Variants in NFATC1 observed in about 807,000 individuals in gnomAD.
The protein encoded by NFATC1 is nuclear factor of activated T cells 1.
A neutral mutation model predicts 76.0 loss-of-function variants in NFATC1; 22 were observed. The observed-to-expected ratio is 0.29, with a 90% confidence interval of 0.21 to 0.41. The LOEUF (loss-of-function observed/expected upper bound fraction) is 0.41, where lower values mean the gene tolerates loss of function less well. NFATC1 is among the 10% of genes least tolerant of loss of function. The pLI is 1.00. For synonymous variants in NFATC1, 704 were observed against 613.1 expected (o/e 1.15, Z -2.19); for missense variants, 1,357 against 1,337.7 (o/e 1.01, Z -0.23).
At chr18:79,414,653 A>G (rs1309748687) in intron 2 of NFATC1, among the ~76,000 whole-genome samples, 2 of 152,194 alleles carry the variant, frequency 1.3e-5, no homozygotes, top group African/African-American at 4.8e-5. Context: ...TGATGTGTCT[A>G]TTGTCAAAGC....
chr18:79,411,588 G>C, intron 2 of NFATC1, 87 bp downstream of exon 2: 3 of 1,051,274 alleles, frequency 2.9e-6, no homozygotes, highest in Non-Finnish European at 3.5e-6. Flanking sequence ...GGGGCGGCGC[G>C]GGGCGGCCGT....
At chr18:79,431,114 C>G (rs2086573912) in intron 2 of NFATC1, among the ~76,000 whole-genome samples, 1 of 152,192 alleles carries the variant, frequency 6.6e-6, no homozygotes, top group South Asian at 2.1e-4. Context: ...CAGCAGGCAC[C>G]CGCAGGGCCC....
In NFATC1 at chr18:79,455,478, C is replaced by T. The variant is rs1037740793; in HGVS notation, c.1903+3662C>T. Reference sequence around the variant, plus strand: ...GCATCTCACAGGCGGCCGGGGCTCCCGGGAAGCAGAGACGGGCTGTGCCAG... The same window carrying T: ...GCATCTCACAGGCGGCCGGGGCTCCTGGGAAGCAGAGACGGGCTGTGCCAG... On this transcript the variant is annotated intron_variant, in intron 6 of 9. Transcript: ENST00000427363. Among the ~76,000 whole-genome samples the T allele has an allele frequency of 2.0e-4, 30 of 152,282 alleles. 1 individual carries two copies. The East Asian group carries it at 3.1e-3, about 16-fold the overall frequency.
chr18:79,471,977 C>T (rs1402510870), intron 8 of NFATC1, among the ~76,000 whole-genome samples: 2 of 152,226 alleles, frequency 1.3e-5, no homozygotes, highest in Non-Finnish European at 1.5e-5. Context: ...CTGTTTCTGC[C>T]TCAAGGGGTA....
rs143180395 is a variant in NFATC1 at position 79,411,379 on chromosome 18, C to G, written c.1104C>G (p.Pro368=). 4 of 1,584,388 alleles carry G rather than the reference C, an allele frequency of 2.5e-6. No homozygotes were observed. Among genetic ancestry groups the G allele is most frequent in the Non-Finnish European group, 3.4e-6 (4 of 1,167,546 alleles). ...GSPPPPADFA[P]EDYSSFQHIR... The stretch of plus-strand genomic sequence containing the variant: ...CCCCGCCCCCGGCCGACTTCGCGCC[C>G]GAAGACTACTCCTCTTTCCAGCACA... Residue 368 remains proline, a synonymous_variant, in exon 2 of 10, where the codon CCC becomes CCG. Transcript: ENST00000427363.
chr18:79,458,528 T>C (rs1036924240), intron 6 of NFATC1, among the ~76,000 whole-genome samples: 1 of 152,216 alleles, frequency 6.6e-6, no homozygotes, highest in Admixed American at 6.5e-5. Context: ...CCCGCAGGCC[T>C]GCCTGTGTGG....
chr18:79,419,009 A>G (rs916080658), intron 2 of NFATC1, among the ~76,000 whole-genome samples: 1 of 152,148 alleles, frequency 6.6e-6, no homozygotes, highest in Non-Finnish European at 1.5e-5. Flanking sequence ...GAAAGGAGAA[A>G]ACAACGTGGC....
At chr18:79,513,538 C>T (rs1438209774) in intron 9 of NFATC1, among the ~76,000 whole-genome samples, 6 of 152,264 alleles carry the variant, frequency 3.9e-5, no homozygotes, top group Non-Finnish European at 2.9e-5. Flanking sequence ...AACGATAATT[C>T]GAAAACATCG....
intron 2 of NFATC1, chr18:79,421,464 C>T (rs556983922): frequency 8.9e-4 from 136 of 152,552 alleles, no homozygotes; most frequent in Non-Finnish European, 1.7e-3. Flanking sequence ...GGGGCGGTGC[C>T]GGGCAAGGGC....
Position 79,521,361 on chromosome 18 carries a change from TGTG to T in NFATC1, c.2783-6166_2783-6164del, listed in dbSNP as rs368398792. ...TGTGTAGGGGGGGAGCATCCACTGATGTGTGTGTGTGTGGGGAGCATCCACTGA... is the reference window on the plus strand; with the variant it reads ...TGTGTAGGGGGGGAGCATCCACTGATTGTGTGTGTGGGGAGCATCCACTGA... On this transcript the variant is annotated intron_variant, in intron 9 of 9. Coordinates refer to ENST00000427363, the MANE Select transcript of NFATC1 (RefSeq NM_001278669.2). 2.9e-3 allele frequency among the ~76,000 whole-genome samples: 299 copies of T among 102,600 alleles called. 7 individuals carry two copies. Among genetic ancestry groups the T allele is most frequent in the African/African-American group, 0.012 (283 of 24,594 alleles). 67.3% of individuals were successfully genotyped at this position (102,600 alleles called of 152,430 possible).
chr18:79,509,715 C>T (rs1020061403), intron 9 of NFATC1, among the ~76,000 whole-genome samples: 2 of 152,240 alleles, frequency 1.3e-5, no homozygotes, highest in African/African-American at 4.8e-5. Flanking sequence ...GCTGAACACC[C>T]ATGACACCTG....
chr18:79,444,048 T>C (rs1285983384), intron 3 of NFATC1, among the ~76,000 whole-genome samples: 5 of 152,204 alleles, frequency 3.3e-5, no homozygotes, highest in Admixed American at 2.0e-4. Flanking sequence ...TGGAGGCCTC[T>C]CTCATGCACT....
chr18:79,413,620 T>TA (rs879607675), intron 2 of NFATC1, among the ~76,000 whole-genome samples: 17 of 152,296 alleles, frequency 1.1e-4, no homozygotes, highest in Middle Eastern at 3.4e-3. Flanking sequence ...AGGACTCCAT[T>TA]ATGTGAGTTT....
chr18:79,406,673 T>C (rs1477418285), intron 1 of NFATC1, among the ~76,000 whole-genome samples: 3 of 152,154 alleles, frequency 2.0e-5, no homozygotes, highest in Non-Finnish European at 4.4e-5. Context: ...GGACAACTTT[T>C]GGTGAGAATG....
intron 9 of NFATC1, among the ~76,000 whole-genome samples, chr18:79,514,007 G>A (rs2090322021): frequency 6.6e-6 from 1 of 152,184 alleles, no homozygotes; most frequent in African/African-American, 2.4e-5. Context: ...TGATCTCCAC[G>A]GTGAGCGTGG....
intron 8 of NFATC1, among the ~76,000 whole-genome samples, chr18:79,480,434 G>A (rs758809266): frequency 1.3e-5 from 2 of 151,988 alleles, no homozygotes; most frequent in South Asian, 2.1e-4. Flanking sequence ...GGCCTGCTCC[G>A]AACCCGCAGG....
Position 79,411,437 on chromosome 18 carries a change from G to A in NFATC1, c.1162G>A (p.Ala388Thr). Residue 388 changes from alanine to threonine, a missense_variant, in exon 2 of 10, where the codon GCG becomes ACG. This residue lies in a region of NFATC1 where 691 missense variants were observed against 613.1 expected (regional missense o/e 1.13). Transcript: ENST00000427363. The part of the protein sequence containing the change: ...RKGGFCDQYL[A>T]VPQHPYQWAK... The stretch of plus-strand genomic sequence containing the variant: ...GGGCGGCTTCTGCGACCAGTACCTG[G>A]CGGTGCCGCAGCACCCCTACCAGTG... 6.5e-7 allele frequency: 1 copy of A among 1,530,114 alleles called. No homozygotes were observed. Among genetic ancestry groups the A allele is most frequent in the African/African-American group, 1.4e-5 (1 of 72,242 alleles). 94.8% of individuals were successfully genotyped at this position (1,530,114 alleles called of 1,614,324 possible). A position where few individuals can be genotyped will look rare whatever the true frequency, so the allele number is the denominator to read the frequency against.
Position 79,486,734 on chromosome 18 carries a change from G to GCCTGCAGC in NFATC1, c.2590_2597dup (p.Cys868AlafsTer47), listed in dbSNP as rs768413116. On this transcript the variant is annotated frameshift_variant, in exon 9 of 10. Transcript: ENST00000427363. LOFTEE classifies it high-confidence loss of function. Reference sequence around the variant, plus strand: ...CCGCCTGCCACCCAAGAGCCGACCTGCCTGCAGCCCTGCAGCCCAGCGTGC... The same window carrying GCCTGCAGC: ...CCGCCTGCCACCCAAGAGCCGACCTGCCTGCAGCCCTGCAGCCCTGCAGCCCAGCGTGC... 6.2e-7 allele frequency: 1 copy of GCCTGCAGC among 1,600,002 alleles called. No individual in the cohort carries two copies. The highest frequency in any genetic ancestry group is 8.5e-7 in the Non-Finnish European group (1 of 1,175,166).
At chr18:79,505,470 A>G (rs571818792) in intron 9 of NFATC1, among the ~76,000 whole-genome samples, 24 of 8,248 alleles carry the variant, frequency 2.9e-3, no homozygotes, top group Admixed American at 6.7e-3. Context: ...GGAGGAGGTG[A>G]TGCTGGAGGC....
Sources: allele counts gnomAD v4.1 joint callset (sites outside exome capture counted in the v4.1 genomes callset), GRCh38; gene constraint gnomAD v4.1.1; regional missense constraint gnomAD v4.1.1; transcripts MANE v1.5; gene names NCBI Gene and HGNC (gene_info 2026-07-23, HGNC 2026-07-21).